The following DLGAP1 variants were observed in gnomAD, a reference collection of about 807,000 sequenced individuals.
DLGAP1 encodes the protein DLG associated protein 1, also known as disks large-associated protein 1.
DLGAP1 carries 11 observed loss-of-function variants against 90.8 expected under a neutral mutation model. The ratio of observed to expected loss-of-function variants is 0.12; its 90% CI spans 0.08 to 0.20. DLGAP1 has a LOEUF of 0.20. DLGAP1 is among the 10% of genes least tolerant of loss of function. The probability of loss-of-function intolerance (pLI) is 1.00; values close to 1 mark genes in which losing one functional copy is unlikely to be tolerated. For synonymous variants in DLGAP1, 558 were observed against 540.7 expected (o/e 1.03, Z -0.44); for missense variants, 1,050 against 1,333.8 (o/e 0.79, Z 3.31).
At chr18:3,720,895 A>AAAAAAAAAAAAAAAG (rs2061953800) in intron 7 of DLGAP1, among the ~76,000 whole-genome samples, 2 of 140,408 alleles carry the variant, frequency 1.4e-5, no homozygotes, top group African/African-American at 5.7e-5. Context: ...CTACAAAAAA[A>AAAAAAAAAAAAAAAG]AAAAAAAAAA....
chr18:4,124,233 G>A (rs372428956), intron 2 of DLGAP1, among the ~76,000 whole-genome samples: 87 of 152,240 alleles, frequency 5.7e-4, no homozygotes, highest in African/African-American at 2.0e-3. Flanking sequence ...ATGAATCTAT[G>A]TTATGTCAAT....
intron 5 of DLGAP1, among the ~76,000 whole-genome samples, chr18:3,779,099 A>G (rs940973332): frequency 2.0e-5 from 3 of 152,068 alleles, no homozygotes; most frequent in Non-Finnish European, 4.4e-5. Flanking sequence ...CTAGCTCCCA[A>G]ATTTCTGTCT....
chr18:3,750,787 G>A (rs1043223577), intron 5 of DLGAP1, among the ~76,000 whole-genome samples: 1 of 152,184 alleles, frequency 6.6e-6, no homozygotes, highest in African/African-American at 2.4e-5. Context: ...GCCCTCGCAA[G>A]TTTCATCTTT....
intron 3 of DLGAP1, among the ~76,000 whole-genome samples, chr18:3,918,452 T>C (rs775006734): frequency 6.6e-6 from 1 of 151,992 alleles, no homozygotes; most frequent in Admixed American, 6.6e-5. Context: ...TTTTAACATA[T>C]AAAAGTTAGG....
chr18:3,702,020 T>C (rs1470452261), intron 7 of DLGAP1, among the ~76,000 whole-genome samples: 2 of 152,198 alleles, frequency 1.3e-5, no homozygotes, highest in Non-Finnish European at 2.9e-5. Flanking sequence ...ATGAGTACCC[T>C]GACACTACCT....
chr18:3,742,751 G>A (rs1255346339), intron 5 of DLGAP1, among the ~76,000 whole-genome samples: 1 of 152,154 alleles, frequency 6.6e-6, no homozygotes, highest in Admixed American at 6.5e-5. Flanking sequence ...TGAACTAATT[G>A]CCTCATTCAC....
At chr18:4,252,633 TA>T (rs1279477321) in intron 1 of DLGAP1, among the ~76,000 whole-genome samples, 1 of 152,202 alleles carries the variant, frequency 6.6e-6, no homozygotes, top group African/African-American at 2.4e-5. Flanking sequence ...TTTAAACTAG[TA>T]GCTAAAGAAA....
At chr18:3,700,375 G>A (rs958297844) in intron 7 of DLGAP1, among the ~76,000 whole-genome samples, 2 of 152,160 alleles carry the variant, frequency 1.3e-5, no homozygotes, top group Non-Finnish European at 2.9e-5. Flanking sequence ...GGCTAGGGGA[G>A]GAAGTTCCTC....
At chr18:3,581,330 A>T (rs931819656) in intron 8 of DLGAP1, among the ~76,000 whole-genome samples, 5 of 151,992 alleles carry the variant, frequency 3.3e-5, no homozygotes, top group African/African-American at 1.2e-4. Flanking sequence ...TAGTCCTGAG[A>T]ACTAATTGTC....
intron 1 of DLGAP1, among the ~76,000 whole-genome samples, chr18:4,194,929 G>C (rs143208921): frequency 2.0e-5 from 3 of 152,118 alleles, no homozygotes; most frequent in Non-Finnish European, 4.4e-5. Flanking sequence ...TTGTGTGTGC[G>C]TGGTGAGATG....
Position 4,378,089 on chromosome 18 carries a change from T to C in DLGAP1, c.-267+76917A>G, listed in dbSNP as rs1239328596. The stretch of plus-strand genomic sequence containing the variant: ...AAATATATATATCACTTTTCAATCT[T>C]TTTTCTAATATATAACATATATTAG... On this transcript the variant is annotated intron_variant, in intron 1 of 12. Transcript: ENST00000315677. The surrounding 1 kb of genome is among the most constrained non-coding windows in gnomAD (Gnocchi z 4.5). 4.0e-5 allele frequency among the ~76,000 whole-genome samples: 6 copies of C among 148,582 alleles called. No individual in the cohort carries two copies. The highest frequency in any genetic ancestry group is 1.5e-4 in the African/African-American group (6 of 40,884).
intron 7 of DLGAP1, among the ~76,000 whole-genome samples, chr18:3,643,155 T>C (rs2058998368): frequency 6.6e-6 from 1 of 152,032 alleles, no homozygotes; most frequent in African/African-American, 2.4e-5. Context: ...TTCCAGAATA[T>C]ACTACAGAAT....
intron 1 of DLGAP1, among the ~76,000 whole-genome samples, chr18:4,175,447 A>G (rs1183667342): frequency 2.0e-5 from 3 of 152,110 alleles, no homozygotes; most frequent in African/African-American, 7.2e-5. Context: ...CAATTTTGAC[A>G]TTTGTTGCAA....
chr18:3,858,527 T>C (rs2069813394), intron 4 of DLGAP1, among the ~76,000 whole-genome samples: 2 of 141,048 alleles, frequency 1.4e-5, no homozygotes, highest in South Asian at 4.7e-4. Context: ...TATATATATA[T>C]GCACACACAC....
chr18:4,246,064 T>C (rs925443381), intron 1 of DLGAP1, among the ~76,000 whole-genome samples: 32 of 152,224 alleles, frequency 2.1e-4, no homozygotes, highest in African/African-American at 7.7e-4. Flanking sequence ...CTTCATCTTA[T>C]TATCACTGAA....
intron 3 of DLGAP1, among the ~76,000 whole-genome samples, chr18:3,992,498 T>C (rs1343845793): frequency 6.6e-6 from 1 of 152,070 alleles, no homozygotes; most frequent in East Asian, 1.9e-4. Context: ...AGCAACATGG[T>C]GAAATCTGTT....
chr18:4,371,516 T>G (rs1013155229), intron 1 of DLGAP1, among the ~76,000 whole-genome samples: 1 of 152,246 alleles, frequency 6.6e-6, no homozygotes, highest in Non-Finnish European at 1.5e-5. Flanking sequence ...AAACCCTATT[T>G]CACTTCAAAT....
chr18:3,940,585 T>TTTGC (rs2072747011), intron 3 of DLGAP1, among the ~76,000 whole-genome samples: 1 of 152,194 alleles, frequency 6.6e-6, no homozygotes, highest in Non-Finnish European at 1.5e-5. Context: ...GGAAAAAGTG[T>TTTGC]TAAAAGCCAT....
chr18:3,524,095 C>T (rs1478034425), intron 10 of DLGAP1, among the ~76,000 whole-genome samples: 1 of 152,002 alleles, frequency 6.6e-6, no homozygotes, highest in Admixed American at 6.6e-5. Context: ...ATAGTGAGAT[C>T]TTGTATCCAC....
Sources: gnomAD v4.1 joint callset for allele counts (sites outside exome capture counted in the v4.1 genomes callset) on GRCh38, gnomAD v4.1.1 for gene constraint, Gnocchi (gnomAD v3.1) non-coding constraint, MANE v1.5 for transcripts, NCBI Gene and HGNC (gene_info 2026-07-23, HGNC 2026-07-21) for gene names.